Variants in CPNE4 observed in about 807,000 individuals in gnomAD.
The protein encoded by CPNE4 is copine 4.
A neutral mutation model predicts 67.9 loss-of-function variants in CPNE4; 25 were observed. The ratio of observed to expected loss-of-function variants is 0.37; its 90% confidence interval spans 0.27 to 0.51. The LOEUF is 0.51. CPNE4 is among the 20% of genes least tolerant of loss of function. The pLI, the probability that CPNE4 is intolerant of heterozygous loss-of-function variation, is 0.93. For synonymous variants in CPNE4, 242 were observed against 244.9 expected (o/e 0.99, Z 0.11); for missense variants, 464 against 690.8 (o/e 0.67, Z 3.68).
chr3:131,737,516 A>G (rs1006275200), intron 2 of CPNE4, among the ~76,000 whole-genome samples: 6 of 152,172 alleles, frequency 3.9e-5, no homozygotes, highest in Non-Finnish European at 8.8e-5. Flanking sequence ...TTCCCATCAC[A>G]CTATCATCAC....
intron 1 of CPNE4, among the ~76,000 whole-genome samples, chr3:131,945,369 G>C (rs960542823): frequency 2.0e-5 from 3 of 152,128 alleles, no homozygotes; most frequent in African/African-American, 7.2e-5. Context: ...AGTGTAGTTG[G>C]TGGACATCCT....
At chr3:131,802,055 G>T (rs925253687) in intron 2 of CPNE4, among the ~76,000 whole-genome samples, 3 of 152,056 alleles carry the variant, frequency 2.0e-5, no homozygotes, top group African/African-American at 7.2e-5. Flanking sequence ...TGCATCTAAA[G>T]TAAGAGAGAA....
At chr3:131,834,347 G>A (rs1296087242) in intron 2 of CPNE4, among the ~76,000 whole-genome samples, 1 of 152,122 alleles carries the variant, frequency 6.6e-6, no homozygotes, top group Non-Finnish European at 1.5e-5. Context: ...ATGTGGATTG[G>A]TGAGGGAGGG....
intron 7 of CPNE4, among the ~76,000 whole-genome samples, chr3:131,656,582 G>A (rs2079975077): frequency 6.6e-6 from 1 of 152,106 alleles, no homozygotes; most frequent in African/African-American, 2.4e-5. Flanking sequence ...CATTCTTTAA[G>A]CATACATTTA....
intron 2 of CPNE4, among the ~76,000 whole-genome samples, chr3:131,851,750 T>C (rs2086249906): frequency 6.6e-6 from 1 of 152,056 alleles, no homozygotes; most frequent in Admixed American, 6.6e-5. Flanking sequence ...CTGGTTTCTA[T>C]TCCTGGCTTT....
chr3:131,546,001 G>T (rs1200733662), intron 14 of CPNE4, among the ~76,000 whole-genome samples: 1 of 152,146 alleles, frequency 6.6e-6, no homozygotes, highest in Non-Finnish European at 1.5e-5. Flanking sequence ...GTCAGAGGTT[G>T]CAGTGAGCTG....
chr3:131,721,271 T>C (rs1305497409), intron 3 of CPNE4, among the ~76,000 whole-genome samples: 2 of 148,918 alleles, frequency 1.3e-5, no homozygotes, highest in Non-Finnish European at 2.9e-5. Flanking sequence ...TTTGGAAAGA[T>C]GAGCCTTGTG....
At chr3:131,599,796 G>A (rs1939100081) in intron 7 of CPNE4, among the ~76,000 whole-genome samples, 1 of 152,128 alleles carries the variant, frequency 6.6e-6, no homozygotes, top group African/African-American at 2.4e-5. Context: ...GAGGGGTGAG[G>A]CACAGCTAAG....
At chr3:131,605,385 T>C (rs80346308) in intron 7 of CPNE4, among the ~76,000 whole-genome samples, 2,281 of 152,244 alleles carry the variant, frequency 0.015, 47 homozygotes, top group East Asian at 0.069. Flanking sequence ...GCCCTTACCC[T>C]CTTCCTTCTC....
At chr3:131,639,742 G>A (rs2079491924) in intron 7 of CPNE4, among the ~76,000 whole-genome samples, 1 of 152,066 alleles carries the variant, frequency 6.6e-6, no homozygotes, top group African/African-American at 2.4e-5. Context: ...GATGAACATA[G>A]ATGCAAAAAT....
At chr3:131,606,624 G>T (rs1939524439) in intron 7 of CPNE4, among the ~76,000 whole-genome samples, 1 of 152,076 alleles carries the variant, frequency 6.6e-6, no homozygotes, top group South Asian at 2.1e-4. Flanking sequence ...GTTTATCCTT[G>T]GGCACAAAAT....
intron 10 of CPNE4, among the ~76,000 whole-genome samples, chr3:131,569,047 T>A (rs1294611572): frequency 6.6e-6 from 1 of 152,080 alleles, no homozygotes; most frequent in Non-Finnish European, 1.5e-5. Context: ...ACATTTTTAT[T>A]CTTTTCTATT....
intron 4 of CPNE4, 65 bp from the exon 5 acceptor site, chr3:131,696,681 C>T: frequency 7.0e-7 from 1 of 1,431,460 alleles, no homozygotes; most frequent in South Asian, 1.2e-5. Context: ...AACCCATGAG[C>T]AAATTTAGTT....
intron 1 of CPNE4, among the ~76,000 whole-genome samples, chr3:131,906,411 C>A (rs917275700): frequency 3.9e-5 from 5 of 128,340 alleles, no homozygotes; most frequent in Admixed American, 8.1e-5. Context: ...CCCCTCCCCC[C>A]ACCCCACAAC....
intron 2 of CPNE4, among the ~76,000 whole-genome samples, chr3:131,851,391 T>G (rs1248816621): frequency 5.3e-5 from 8 of 152,056 alleles, no homozygotes; most frequent in Admixed American, 5.3e-4. Flanking sequence ...GTGTAACAGT[T>G]GGGCACAGGA....
intron 1 of CPNE4, among the ~76,000 whole-genome samples, chr3:132,030,952 C>T (rs2074222878): frequency 6.6e-6 from 1 of 152,102 alleles, no homozygotes; most frequent in Non-Finnish European, 1.5e-5. Flanking sequence ...ATTTATTGTG[C>T]TTGATTTTTG....
intron 2 of CPNE4, among the ~76,000 whole-genome samples, chr3:131,793,350 G>A (rs1016382809): frequency 6.6e-6 from 1 of 151,936 alleles, no homozygotes; most frequent in Non-Finnish European, 1.5e-5. Flanking sequence ...ATTCTTTGTG[G>A]TTTTCTATAG....
At chr3:131,559,484 A>C (rs992516734) in intron 11 of CPNE4, among the ~76,000 whole-genome samples, 31 of 152,072 alleles carry the variant, frequency 2.0e-4, no homozygotes, top group African/African-American at 7.2e-4. Context: ...TATAGGCAAA[A>C]ATTACACTGA....
intron 6 of CPNE4, among the ~76,000 whole-genome samples, chr3:131,671,759 C>T (rs1265073306): frequency 2.0e-5 from 3 of 152,034 alleles, no homozygotes; most frequent in Non-Finnish European, 4.4e-5. Context: ...CAATAGTCAT[C>T]CTTTCAATTT....
Sources: allele counts gnomAD v4.1 joint callset (sites outside exome capture counted in the v4.1 genomes callset), GRCh38; gene constraint gnomAD v4.1.1; transcripts MANE v1.5; gene names NCBI Gene and HGNC (gene_info 2026-07-23, HGNC 2026-07-21).